PER1: variants seen among roughly 807,000 people sequenced by gnomAD.
PER1 encodes period circadian regulator 1.
PER1 carries 87 observed loss-of-function variants against 125.9 expected under a neutral mutation model. That is an observed-to-expected ratio of 0.69 (90% CI 0.58 to 0.83). PER1 has a LOEUF of 0.83. PER1 is among the 40% of genes least tolerant of loss of function. The probability of loss-of-function intolerance (pLI) is 0.00; values close to 1 mark genes in which losing one functional copy is unlikely to be tolerated. For synonymous variants in PER1, 801 were observed against 714.7 expected, an observed-to-expected ratio of 1.12 and a Z score of -1.93; for missense variants, 1,775 against 1,722.8, an observed-to-expected ratio of 1.03 and a Z score of -0.54.
chr17:8,143,449 C>CG lies in PER1; in HGVS notation c.2888dup (p.Ser964GlufsTer33). On this transcript the variant is annotated frameshift_variant, in exon 19 of 23. Transcript: ENST00000317276. LOFTEE classifies it high-confidence loss of function. The stretch of plus-strand genomic sequence containing the variant: ...GAGAGTCCGGGCGGTGAGGAGGACT[C>CG]GGGGCGAGGGCGGGCAAGGATGGAG... 1.2e-6 allele frequency: 2 copies of CG among 1,605,698 alleles called. No individual in the cohort carries two copies. Among genetic ancestry groups the CG allele is most frequent in the Non-Finnish European group, 1.7e-6 (2 of 1,175,660 alleles).
At position 8,148,631 on chromosome 17, in the gene PER1, C is replaced by A; in HGVS notation, c.1048+13G>T. 5 of 1,597,102 alleles carry A rather than the reference C, an allele frequency of 3.1e-6. No individual in the cohort carries two copies. Among genetic ancestry groups the A allele is most frequent in the Non-Finnish European group, 4.3e-6 (5 of 1,173,366 alleles). ...TCCCAGCCCCCACCAGGCCAGGGCC[C>A]TGACCTGCCCACCTTCGTAACCCGA... On this transcript the variant is annotated intron_variant, in intron 8 of 22. Transcript: ENST00000317276.
At position 8,147,498 on chromosome 17, in the gene PER1, G is replaced by A. The variant is rs1453602174; in HGVS notation, c.1469C>T (p.Ser490Leu). The change falls in exon 12 of 23, where the codon TCA (serine) becomes TTA (leucine). Residue 490 changes from serine to leucine, a missense_variant. By Grantham distance (145) the Ser-to-Leu change is moderately radical. Coordinates refer to ENST00000317276, the MANE Select transcript of PER1 (RefSeq NM_002616.3). ...PSLDTDIQEL[S>L]EQIHRLLLQP... is the part of the protein sequence containing the mutation. Reference sequence around the variant, plus strand: ...CAGCAGCAGCCGGTGGATCTGCTCTGACAGCTCCTGGATATCAGTGTCCAG... The same window carrying A: ...CAGCAGCAGCCGGTGGATCTGCTCTAACAGCTCCTGGATATCAGTGTCCAG... 1 of 1,613,878 alleles carries A rather than the reference G, an allele frequency of 6.2e-7. No individual in the cohort carries two copies. Among genetic ancestry groups the A allele is most frequent in the Admixed American group, 1.7e-5 (1 of 60,000 alleles).
chr17:8,147,552 G>A lies in PER1; in HGVS notation c.1415C>T (p.Thr472Ile). Residue 472 changes from threonine (T) to isoleucine (I), a missense_variant, in exon 12 of 23, where the codon ACT becomes ATT. By Grantham distance (89) the Thr-to-Ile change is moderately conservative. Coordinates refer to ENST00000317276, the MANE Select transcript of PER1 (RefSeq NM_002616.3). Reference protein sequence around the residue: ...RTAPLNEDVFTPPAPSPAPSL... With the variant: ...RTAPLNEDVFIPPAPSPAPSL... ...GGGAGCTGGGCTGGGGGCCGGGGGA[G>A]TGAACACGTCCTCATTCAGGGGGGC... 1 of 1,613,582 alleles carries A rather than the reference G, an allele frequency of 6.2e-7. No homozygotes were observed. Among genetic ancestry groups the A allele is most frequent in the Non-Finnish European group, 8.5e-7 (1 of 1,179,716 alleles).
chr17:8,143,309 G>A lies in PER1; in HGVS notation c.3029C>T (p.Pro1010Leu). 2 of 1,590,092 alleles carry A rather than the reference G, an allele frequency of 1.3e-6. No individual in the cohort carries two copies. The highest frequency in any genetic ancestry group is 1.7e-6 in the Non-Finnish European group (2 of 1,167,362). Reference protein sequence around the residue: ...VAGGPGSSAGPPPPSAEAAEP... With the variant: ...VAGGPGSSAGLPPPSAEAAEP... ...AGCAGCCTCCGCACTGGGAGGTGGG[G>A]GCCCGGCACTGCTCCCAGGGCCTCC... Residue 1010 changes from proline (P) to leucine (L), a missense_variant, in exon 19 of 23, where the codon CCC becomes CTC. Coordinates refer to ENST00000317276, the MANE Select transcript of PER1 (RefSeq NM_002616.3).
intron 8 of PER1, 101 bp downstream of exon 8, chr17:8,148,543 A>G (rs1235695437): frequency 7.2e-7 from 1 of 1,394,672 alleles, no homozygotes; most frequent in African/African-American, 1.4e-5. Context: ...TCTTGTTCCA[A>G]AATTCAAAGG....
chr17:8,150,568 C>T lies in PER1; in HGVS notation c.139G>A (p.Ala47Thr). The T allele has an allele frequency of 6.2e-7, 1 of 1,614,094 alleles. No homozygotes were observed. Among genetic ancestry groups the T allele is most frequent in the East Asian group, 2.2e-5 (1 of 44,886 alleles). ...PGPSLADDTDANSNGSSGNES... is the reference protein window; with the variant it reads ...PGPSLADDTDTNSNGSSGNES... ...TTGCCACTTGAACCATTGCTGTTGGCATCGGTGTCATCGGCCAGGCTGGGG... is the reference window on the plus strand; with the variant it reads ...TTGCCACTTGAACCATTGCTGTTGGTATCGGTGTCATCGGCCAGGCTGGGG... Residue 47 changes from alanine to threonine, a missense_variant, in exon 2 of 23, where the codon GCC becomes ACC. By Grantham distance (58) the Ala-to-Thr change is moderately conservative. Transcript: ENST00000317276.
chr17:8,150,539 C>T lies in PER1; in HGVS notation c.168G>A (p.Glu56=), dbSNP rs763646881. The part of the protein sequence containing the change: ...DANSNGSSGN[E]SNGHESRGAS... ...CGCCTCTAGACTCATGCCCGTTGGACTCATTGCCACTTGAACCATTGCTGT... is the reference window on the plus strand; with the variant it reads ...CGCCTCTAGACTCATGCCCGTTGGATTCATTGCCACTTGAACCATTGCTGT... Residue 56 remains glutamate, a synonymous_variant, in exon 2 of 23, where the codon GAG becomes GAA. Coordinates refer to ENST00000317276, the MANE Select transcript of PER1 (RefSeq NM_002616.3). 2 of 1,614,184 alleles carry T rather than the reference C, an allele frequency of 1.2e-6. No homozygotes were observed. Among genetic ancestry groups the T allele is most frequent in the Non-Finnish European group, 1.7e-6 (2 of 1,180,028 alleles).
intron 19 of PER1, 120 bp downstream of exon 19, chr17:8,143,146 A>G (rs1337240229): frequency 7.0e-6 from 5 of 710,070 alleles, no homozygotes; most frequent in Non-Finnish European, 8.9e-6. Context: ...TCAGCTGGGG[A>G]CTCCCTCCAC....
At chr17:8,145,376 T>G (rs1982368508) in intron 17 of PER1, among the ~76,000 whole-genome samples, 1 of 141,060 alleles carries the variant, frequency 7.1e-6, no homozygotes, top group Admixed American at 7.6e-5. Flanking sequence ...CAAGCTGGAG[T>G]GCAGTGGTGC....
At chr17:8,148,584 G>C (rs1031886513) in intron 8 of PER1, 60 bp downstream of exon 8, 4 of 1,528,780 alleles carry the variant, frequency 2.6e-6, no homozygotes, top group Non-Finnish European at 3.5e-6. Context: ...ATTCATGTCT[G>C]GCCATGAGGA....
intron 7 of PER1, 46 bp downstream of exon 7, chr17:8,149,213 C>CAAAAA (rs78404230): frequency 7.9e-6 from 3 of 381,004 alleles, no homozygotes; most frequent in Non-Finnish European, 1.2e-5. Context: ...AAAACAAAAA[C>CAAAAA]AAAAAAAAAA....
rs200757350 is a variant in PER1, at chr17:8,142,844, G to A, written c.3073-9C>T. 1.8e-4 allele frequency: 280 copies of A among 1,583,282 alleles called. No homozygotes were observed. The African/African-American group carries it at 3.2e-3, about 18-fold the overall frequency. ...GACTCAGTGACCTCCGCCTGGAGGA[G>A]GGGAGGGGGGCAAGGAGGGATGGAG... On this transcript the variant is annotated splice_polypyrimidine_tract_variant and intron_variant, in intron 19 of 22. Transcript: ENST00000317276.
chr17:8,144,653 G>A (rs980308107), intron 18 of PER1, 98 bp downstream of exon 18: 1 of 1,475,090 alleles, frequency 6.8e-7, no homozygotes, highest in African/African-American at 1.4e-5. Context: ...CACCAGCCTG[G>A]GTCCCTGGAG....
intron 18 of PER1, 185 bp from the exon 19 acceptor site, chr17:8,144,061 G>A: frequency 6.8e-6 from 6 of 885,896 alleles, no homozygotes; most frequent in Non-Finnish European, 8.1e-6. Flanking sequence ...AGGAGCCAGG[G>A]ACAAGGGGAT....
intron 14 of PER1, 21 bp from the exon 15 acceptor site, chr17:8,146,786 G>A: frequency 6.2e-7 from 1 of 1,607,642 alleles, no homozygotes; most frequent in Non-Finnish European, 8.5e-7. Context: ...GAGAGAAAGA[G>A]GAAAATAGCC....
At chr17:8,142,007 A>C in intron 21 of PER1, 52 bp from the exon 22 acceptor site, 5 of 1,606,958 alleles carry the variant, frequency 3.1e-6, no homozygotes, top group Non-Finnish European at 4.2e-6. Context: ...GACCCGGACC[A>C]GGACCCATGA....
rs770790365 is a variant in PER1, at chr17:8,143,782, C to T, written c.2556G>A (p.Ala852=). 3 of 1,605,916 alleles carry T rather than the reference C, an allele frequency of 1.9e-6. No homozygotes were observed. Among genetic ancestry groups the T allele is most frequent in the East Asian group, 4.5e-5 (2 of 44,636 alleles). Residue 852 remains alanine, a synonymous_variant, in exon 19 of 23, where the codon GCG becomes GCA. Transcript: ENST00000317276. Reference sequence around the variant, plus strand: ...GTGAGGGGTGTGAGACATAGCAGGGCGCTTCAGCCCGAGGGTTCTGGTGGT... The same window carrying T: ...GTGAGGGGTGTGAGACATAGCAGGGTGCTTCAGCCCGAGGGTTCTGGTGGT... ...SRHHQNPRAE[A]PCYVSHPSPV...
At position 8,148,789 on chromosome 17, in the gene PER1, A is replaced by G; in HGVS notation, c.906-3T>C. The G allele has an allele frequency of 6.2e-7, 1 of 1,613,404 alleles. No individual in the cohort carries two copies. The highest frequency in any genetic ancestry group is 8.5e-7 in the Non-Finnish European group (1 of 1,179,692). On this transcript the variant is annotated splice_region_variant and splice_polypyrimidine_tract_variant and intron_variant, in intron 7 of 22. Transcript: ENST00000317276. Reference sequence around the variant, plus strand: ...CTGGATCCCGGTCAGGACCTCCTCTAGCAAAGGAGAGAGGAGCATTAGGGA... The same window carrying G: ...CTGGATCCCGGTCAGGACCTCCTCTGGCAAAGGAGAGAGGAGCATTAGGGA...
At chr17:8,147,189 T>C (rs1253629887) in intron 13 of PER1, 61 bp downstream of exon 13, 1 of 1,549,670 alleles carries the variant, frequency 6.5e-7, no homozygotes, top group South Asian at 1.2e-5. Flanking sequence ...CTGGCAGTGC[T>C]GGTTCCAAGA....
Sources: gnomAD v4.1 joint callset for allele counts (sites outside exome capture counted in the v4.1 genomes callset) on GRCh38, gnomAD v4.1.1 for gene constraint, MANE v1.5 for transcripts, NCBI Gene and HGNC (gene_info 2026-07-23, HGNC 2026-07-21) for gene names.